The following KCTD9 variants were observed in gnomAD, a reference collection of about 807,000 sequenced individuals.
KCTD9 encodes BTB/POZ domain-containing protein KCTD9.
A neutral mutation model predicts 53.3 loss-of-function variants in KCTD9; 17 were observed. The observed-to-expected ratio is 0.32, with a 90% CI of 0.22 to 0.48. The LOEUF is 0.48. Among genes scored for constraint, KCTD9 ranks in the 20% least tolerant of loss-of-function variants. The pLI is 0.99. For synonymous variants in KCTD9, 128 were observed against 162.7 expected (o/e 0.79, Z 1.62); for missense variants, 179 against 465.5 (o/e 0.38, Z 5.66).
At chr8:25,449,065 T>C (rs1802270014) in intron 1 of KCTD9, among the ~76,000 whole-genome samples, 1 of 152,180 alleles carries the variant, frequency 6.6e-6, no homozygotes, top group Non-Finnish European at 1.5e-5. Context: ...CCTAGGGCAT[T>C]GCACACGGCA....
At chr8:25,433,498 C>T in intron 9 of KCTD9, 63 bp from the exon 10 acceptor site, 1 of 783,872 alleles carries the variant, frequency 1.3e-6, no homozygotes, top group Non-Finnish European at 2.0e-6. Context: ...TTAGCTCAAA[C>T]AGTAAAAGAA....
chr8:25,444,008 A>G (rs1313693743), intron 3 of KCTD9, among the ~76,000 whole-genome samples: 1 of 152,276 alleles, frequency 6.6e-6, no homozygotes, highest in Non-Finnish European at 1.5e-5. Flanking sequence ...AAACAAAACA[A>G]TTGTTTCTAA....
intron 4 of KCTD9, 115 bp downstream of exon 4, chr8:25,440,462 T>A: frequency 1.4e-6 from 1 of 738,772 alleles, no homozygotes; most frequent in South Asian, 1.6e-5. Context: ...TCAGATCACA[T>A]AGTATATTTA....
At chr8:25,446,297 AT>A (rs1264281925) in intron 1 of KCTD9, 47 bp from the exon 2 acceptor site, 3 of 1,600,668 alleles carry the variant, frequency 1.9e-6, no homozygotes, top group Admixed American at 1.7e-5. Context: ...AATACATGTT[AT>A]CCCCCATAAG....
rs573686830 is a variant in KCTD9, at chr8:25,440,430, A to C, written c.311+147T>G. ...GGAGTGAACCATGTTTTTTTCTTCA[A>C]AAAAAGTTATAAAAAATGGTTTCAG... is the stretch of plus-strand genomic sequence containing the variant. On this transcript the variant is annotated intron_variant, in intron 4 of 11. Transcript: ENST00000221200. 39 of 604,068 alleles carry C rather than the reference A, an allele frequency of 6.5e-5. No homozygotes were observed. In the South Asian group the frequency reaches 8.3e-4, roughly 13 times the overall value. 37.4% of individuals were successfully genotyped at this position (604,068 alleles called of 1,614,324 possible).
chr8:25,436,074 T>C (rs2117395437), intron 8 of KCTD9, among the ~76,000 whole-genome samples, 161 bp downstream of exon 8: 1 of 152,342 alleles, frequency 6.6e-6, no homozygotes, highest in East Asian at 1.9e-4. Flanking sequence ...TCTTTTTCGT[T>C]AACCATTTCA....
rs1448627070 is a variant in KCTD9, at chr8:25,439,392, T to C, written c.386A>G (p.Lys129Arg). 6.2e-7 allele frequency: 1 copy of C among 1,611,648 alleles called. No homozygotes were observed. Among genetic ancestry groups the C allele is most frequent in the Non-Finnish European group, 8.5e-7 (1 of 1,179,326 alleles). The change falls in exon 6 of 12, where the codon AAG (lysine) becomes AGG (arginine). Residue 129 changes from lysine to arginine, a missense_variant. Transcript: ENST00000221200. Reference sequence around the variant, plus strand: ...TAAGAAAGCTCCTCTATGATCTTGCTTATTTCCCCAGACACCTGTGTCACC... The same window carrying C: ...TAAGAAAGCTCCTCTATGATCTTGCCTATTTCCCCAGACACCTGTGTCACC... The part of the protein sequence containing the change: ...MFKDKGVWGN[K>R]QDHRGAFLID...
chr8:25,449,516 C>T (rs1049009391), intron 1 of KCTD9, among the ~76,000 whole-genome samples: 1 of 152,124 alleles, frequency 6.6e-6, no homozygotes, highest in African/African-American at 2.4e-5. Context: ...ATTCAAAATA[C>T]ACTAACTTGA....
rs1011806900 is a variant in KCTD9, at chr8:25,428,647, A to AATTT, written c.*1206_*1209dup. 6.7e-6 allele frequency: 1 copy of AATTT among 149,508 alleles called. No individual in the cohort carries two copies. Among genetic ancestry groups the AATTT allele is most frequent in the African/African-American group, 2.5e-5 (1 of 39,422 alleles). 9.3% of individuals were successfully genotyped at this position (149,508 alleles called of 1,614,324 possible). On this transcript the variant is annotated 3_prime_UTR_variant, in exon 12 of 12. Coordinates refer to ENST00000221200, the MANE Select transcript of KCTD9 (RefSeq NM_017634.4). The stretch of plus-strand genomic sequence containing the variant: ...GAATGACTCAAGAAAATTGGGCTAA[A>AATTT]ATTTGTTTAAAAAAAAAAAACCACA...
At chr8:25,443,664 G>A (rs951401436) in intron 3 of KCTD9, among the ~76,000 whole-genome samples, 6 of 152,274 alleles carry the variant, frequency 3.9e-5, no homozygotes, top group South Asian at 4.1e-4. Flanking sequence ...TGCAACAATC[G>A]TGAGAACTAC....
chr8:25,439,926 C>T, intron 4 of KCTD9: 2 of 500,652 alleles, frequency 4.0e-6, no homozygotes, highest in Non-Finnish European at 6.3e-6. Context: ...CAAATTATTA[C>T]ATAATAATAT....
At chr8:25,456,768 G>A (rs1802443136) in intron 1 of KCTD9, among the ~76,000 whole-genome samples, 1 of 152,118 alleles carries the variant, frequency 6.6e-6, no homozygotes, top group African/African-American at 2.4e-5. Flanking sequence ...CAAATTGAGT[G>A]GATTTGGGAG....
chr8:25,437,444 GTGGGTA>G (rs1485993898), intron 6 of KCTD9, among the ~76,000 whole-genome samples: 1 of 152,140 alleles, frequency 6.6e-6, no homozygotes, highest in Middle Eastern at 3.2e-3. Context: ...GGAGGCTGAG[GTGGGTA>G]GATCACTTGA....
intron 9 of KCTD9, 120 bp from the exon 10 acceptor site, chr8:25,433,555 AATTTT>A (rs1179324017): frequency 4.4e-6 from 2 of 452,448 alleles, no homozygotes; most frequent in African/African-American, 4.0e-5. Context: ...ACTCATACTC[AATTTT>A]ATTTTCTGTT....
intron 8 of KCTD9, among the ~76,000 whole-genome samples, 178 bp downstream of exon 8, chr8:25,436,057 T>C (rs912627134): frequency 2.0e-5 from 3 of 152,240 alleles, no homozygotes; most frequent in African/African-American, 7.2e-5. Context: ...AAGGCTATTA[T>C]TGCATCTCTT....
chr8:25,439,189 T>C (rs1433015163), intron 6 of KCTD9, 90 bp downstream of exon 6: 2 of 984,160 alleles, frequency 2.0e-6, no homozygotes, highest in East Asian at 2.7e-5. Flanking sequence ...TATGGAAATA[T>C]ACTGTTACTG....
At chr8:25,435,288 T>C (rs1801997089) in intron 9 of KCTD9, 75 bp downstream of exon 9, 9 of 955,810 alleles carry the variant, frequency 9.4e-6, no homozygotes, top group Non-Finnish European at 1.3e-5. Flanking sequence ...TTATAATTCC[T>C]GTCTCAAAGG....
chr8:25,431,422 A>G (rs1337078976), intron 11 of KCTD9, among the ~76,000 whole-genome samples: 1 of 152,146 alleles, frequency 6.6e-6, no homozygotes, highest in Non-Finnish European at 1.5e-5. Context: ...TCACGGAGCA[A>G]TAAGATAGAG....
intron 3 of KCTD9, among the ~76,000 whole-genome samples, chr8:25,443,429 G>GA (rs1156680864): frequency 4.6e-5 from 7 of 152,022 alleles, no homozygotes; most frequent in African/African-American, 1.7e-4. Flanking sequence ...TGCAGAGGAT[G>GA]AAAATATACC....
Sources: gnomAD v4.1 joint callset for allele counts (sites outside exome capture counted in the v4.1 genomes callset) on GRCh38, gnomAD v4.1.1 for gene constraint, MANE v1.5 for transcripts, NCBI Gene and HGNC (gene_info 2026-07-23, HGNC 2026-07-21) for gene names.